Variants in KIAA0825 observed in about 807,000 individuals in gnomAD.
KIAA0825 encodes the protein uncharacterized protein KIAA0825.
In KIAA0825, 119 loss-of-function variants were observed where a neutral mutation model predicts 147.6. That is an observed-to-expected ratio of 0.81 (90% CI 0.69 to 0.94). The LOEUF (loss-of-function observed/expected upper bound fraction) is 0.94, where lower values mean the gene tolerates loss of function less well. Among genes scored for constraint, KIAA0825 ranks in the 40% least tolerant of loss-of-function variants. KIAA0825 has a pLI of 0.00. For synonymous variants in KIAA0825, 470 were observed against 518.1 expected (o/e 0.91, Z 1.26); for missense variants, 1,381 against 1,472.7 (o/e 0.94, Z 1.02).
chr5:94,355,613 C>T (rs188438226), intron 20 of KIAA0825, among the ~76,000 whole-genome samples: 23 of 152,198 alleles, frequency 1.5e-4, no homozygotes, highest in African/African-American at 5.5e-4. Flanking sequence ...AAGATTATGC[C>T]TTACAATTTT....
intron 1 of KIAA0825, among the ~76,000 whole-genome samples, chr5:94,617,201 CT>C (rs925521965): frequency 6.6e-6 from 1 of 152,086 alleles, no homozygotes; most frequent in African/African-American, 2.4e-5. Context: ...AAATCACTGC[CT>C]CTAAAAACTA....
At chr5:94,608,973 T>C (rs915035944) in intron 1 of KIAA0825, among the ~76,000 whole-genome samples, 1 of 152,172 alleles carries the variant, frequency 6.6e-6, no homozygotes, top group African/African-American at 2.4e-5. Flanking sequence ...AACAGAATTA[T>C]GTATTTGTAA....
chr5:94,277,582 G>A (rs1351049988), intron 20 of KIAA0825, among the ~76,000 whole-genome samples: 1 of 152,166 alleles, frequency 6.6e-6, no homozygotes, highest in Non-Finnish European at 1.5e-5. Flanking sequence ...AGTTAGAATG[G>A]TGATCATTAA....
At chr5:94,451,567 C>T (rs1423449091) in intron 13 of KIAA0825, among the ~76,000 whole-genome samples, 2 of 152,032 alleles carry the variant, frequency 1.3e-5, no homozygotes, top group African/African-American at 2.4e-5. Flanking sequence ...GATTGCTAAA[C>T]AGAACAGAAA....
At chr5:94,451,887 C>A (rs1486588840) in intron 13 of KIAA0825, among the ~76,000 whole-genome samples, 1 of 152,220 alleles carries the variant, frequency 6.6e-6, no homozygotes, top group African/African-American at 2.4e-5. Context: ...GCTTGACTCA[C>A]ACTGTAAGAG....
chr5:94,208,444 G>C (rs62367168), intron 20 of KIAA0825, among the ~76,000 whole-genome samples: 3 of 152,196 alleles, frequency 2.0e-5, no homozygotes, highest in Non-Finnish European at 2.9e-5. Context: ...CAATGAGTTA[G>C]ATGCTATGAG....
chr5:94,604,801 T>C (rs1157554217), intron 1 of KIAA0825, among the ~76,000 whole-genome samples: 3 of 152,072 alleles, frequency 2.0e-5, no homozygotes, highest in Non-Finnish European at 4.4e-5. Context: ...GCTAGAAAGA[T>C]CTCAAGTTAA....
At chr5:94,416,951 C>T in intron 15 of KIAA0825, 2 of 324,712 alleles carry the variant, frequency 6.2e-6, no homozygotes, top group Non-Finnish European at 1.1e-5. Context: ...TAGAACATTC[C>T]CTAATTAATA....
chr5:94,344,159 C>T (rs1286188045), intron 20 of KIAA0825, among the ~76,000 whole-genome samples: 3 of 152,094 alleles, frequency 2.0e-5, no homozygotes, highest in Non-Finnish European at 4.4e-5. Flanking sequence ...TATCAATGTT[C>T]CCAGCATTAT....
At chr5:94,566,075 G>A (rs1021750255) in intron 2 of KIAA0825, among the ~76,000 whole-genome samples, 4 of 152,056 alleles carry the variant, frequency 2.6e-5, no homozygotes, top group African/African-American at 9.7e-5. Flanking sequence ...TGTCCTCCAG[G>A]TTCATCCATA....
At chr5:94,187,456 T>G (rs966350204) in intron 20 of KIAA0825, among the ~76,000 whole-genome samples, 1 of 146,408 alleles carries the variant, frequency 6.8e-6, no homozygotes, top group Non-Finnish European at 1.5e-5. Flanking sequence ...AGATGGAGTC[T>G]CACTCTGTCG....
At chr5:94,489,446 G>A (rs1008898892) in intron 5 of KIAA0825, among the ~76,000 whole-genome samples, 6 of 152,028 alleles carry the variant, frequency 3.9e-5, no homozygotes, top group African/African-American at 7.2e-5. Flanking sequence ...TCCTGTCTGA[G>A]GGGTTCATGA....
Position 94,473,417 on chromosome 5 carries a change from G to C in KIAA0825, c.1330C>G (p.Leu444Val). The change falls in exon 8 of 21, where the codon CTC becomes GTC. Residue 444 changes from leucine (L) to valine (V), a missense_variant. Physicochemically the swap from Leu to Val is conservative, Grantham distance 32. Transcript: ENST00000682413. Reference protein sequence around the residue: ...TAIEGFSTKILQQEQNERSSA... With the variant: ...TAIEGFSTKIVQQEQNERSSA... Reference sequence around the variant, plus strand: ...GACCTTTCATTCTGTTCCTGTTGGAGAATTTTTGTGGAAAAACCTTCAATT... The same window carrying C: ...GACCTTTCATTCTGTTCCTGTTGGACAATTTTTGTGGAAAAACCTTCAATT... 6.4e-7 allele frequency: 1 copy of C among 1,551,976 alleles called. No individual in the cohort carries two copies. Among genetic ancestry groups the C allele is most frequent in the Non-Finnish European group, 8.7e-7 (1 of 1,147,052 alleles).
At chr5:94,290,654 T>C (rs1219967283) in intron 20 of KIAA0825, among the ~76,000 whole-genome samples, 1 of 152,216 alleles carries the variant, frequency 6.6e-6, no homozygotes, top group African/African-American at 2.4e-5. Flanking sequence ...TACCCAGTAA[T>C]GGAATTGCTG....
At chr5:94,616,529 T>TACAC (rs146182240) in intron 1 of KIAA0825, among the ~76,000 whole-genome samples, 80 of 150,762 alleles carry the variant, frequency 5.3e-4, no homozygotes, top group Non-Finnish European at 8.4e-4. Context: ...TCTTTCTCCC[T>TACAC]ACACACACAC....
At chr5:94,154,146 A>T (rs1019752610) in intron 20 of KIAA0825, 22 bp from the exon 21 acceptor site, 1 of 1,461,414 alleles carries the variant, frequency 6.8e-7, no homozygotes, top group Non-Finnish European at 9.4e-7. Flanking sequence ...ATCACATCTT[A>T]GCATTTTTGT....
chr5:94,507,177 C>T (rs558602336), intron 5 of KIAA0825, among the ~76,000 whole-genome samples: 400 of 152,210 alleles, frequency 2.6e-3, no homozygotes, highest in African/African-American at 9.4e-3. Context: ...TGGCTGAGCG[C>T]GGTGGCTCAC....
intron 20 of KIAA0825, among the ~76,000 whole-genome samples, chr5:94,207,785 G>T (rs1249450769): frequency 6.6e-6 from 1 of 152,114 alleles, no homozygotes; most frequent in Non-Finnish European, 1.5e-5. Context: ...CAGAATACAG[G>T]GGGGCTCGCA....
intron 20 of KIAA0825, among the ~76,000 whole-genome samples, chr5:94,322,625 T>A (rs562669650): frequency 1.3e-5 from 2 of 151,956 alleles, no homozygotes; most frequent in East Asian, 3.9e-4. Context: ...CCTGGAAGAA[T>A]CTGTTTGTGT....
Sources: gnomAD v4.1 joint callset for allele counts (sites outside exome capture counted in the v4.1 genomes callset) on GRCh38, gnomAD v4.1.1 for gene constraint, MANE v1.5 for transcripts, NCBI Gene and HGNC (gene_info 2026-07-23, HGNC 2026-07-21) for gene names.